The following ANK2 variants were observed in gnomAD, a reference collection of about 807,000 sequenced individuals.
ANK2 encodes ankyrin-2.
Under a neutral mutation model 360.5 loss-of-function variants are expected in ANK2, and 83 were observed. The ratio of observed to expected loss-of-function variants is 0.23; its 90% CI spans 0.19 to 0.28. The LOEUF (loss-of-function observed/expected upper bound fraction) is 0.28, where lower values mean the gene tolerates loss of function less well. Among genes scored for constraint, ANK2 ranks in the 10% least tolerant of loss-of-function variants. ANK2 has a pLI of 1.00. For missense variants in ANK2, 4,201 were observed against 4,795.7 expected, an observed-to-expected ratio of 0.88 and a Z score of 3.66; for synonymous variants, 1,740 against 1,759.5, an observed-to-expected ratio of 0.99 and a Z score of 0.28.
chr4:113,304,099 C>A (rs111561468), intron 23 of ANK2, among the ~76,000 whole-genome samples: 7 of 152,286 alleles, frequency 4.6e-5, no homozygotes, highest in African/African-American at 1.7e-4. Context: ...CCAGCAGTTC[C>A]AAATATTTAG....
the ANK2 span, among the ~76,000 whole-genome samples, chr4:112,730,673 T>G: frequency 0.38 from 51,755 of 137,316 alleles, 10,901 homozygotes; most frequent in Middle Eastern, 0.49. Flanking sequence ...GAAAACAAAA[T>G]TACTAGAAAA....
At chr4:112,970,898 A>T (rs949101062) in intron 2 of ANK2, among the ~76,000 whole-genome samples, 4 of 152,228 alleles carry the variant, frequency 2.6e-5, no homozygotes, top group Non-Finnish European at 4.4e-5. Context: ...TATGTCAATT[A>T]GCTTGATTTA....
intron 1 of ANK2, among the ~76,000 whole-genome samples, chr4:113,141,703 G>T (rs1329127519): frequency 6.6e-6 from 1 of 152,090 alleles, no homozygotes; most frequent in Non-Finnish European, 1.5e-5. Flanking sequence ...CTTCTCCAAG[G>T]TGTTAGTTTC....
chr4:112,977,542 TA>T lies in ANK2; in HGVS notation c.21+73036del, dbSNP rs945029366. Among the ~76,000 whole-genome samples the T allele has an allele frequency of 3.8e-3, 575 of 151,682 alleles. 3 individuals are homozygous for T. Among genetic ancestry groups the T allele is most frequent in the African/African-American group, 0.013 (542 of 41,498 alleles). On this transcript the variant is annotated intron_variant, in intron 2 of 30. Transcript: ENST00000503271. ...ATTTAATAACCATGAATAAATAAAT[TA>T]AAAAAAATTTTATTTATTTTTATTT...
chr4:112,950,585 A>C (rs1192450015), intron 2 of ANK2, among the ~76,000 whole-genome samples: 1 of 151,292 alleles, frequency 6.6e-6, no homozygotes, highest in Non-Finnish European at 1.5e-5. Flanking sequence ...TGGAGGTTGC[A>C]GTGAGCCGAG....
the ANK2 span, among the ~76,000 whole-genome samples, chr4:112,747,573 C>T: frequency 3.3e-5 from 5 of 152,150 alleles, no homozygotes; most frequent in Non-Finnish European, 5.9e-5. Context: ...TATGTGAAAG[C>T]ACTACATTTA....
intron 1 of ANK2, among the ~76,000 whole-genome samples, chr4:112,821,556 T>C (rs2057044904): frequency 6.7e-6 from 1 of 149,976 alleles, no homozygotes; most frequent in Non-Finnish European, 1.5e-5. Context: ...CAGGCTGGAG[T>C]GCAGTGGTGT....
the ANK2 span, among the ~76,000 whole-genome samples, chr4:112,736,998 C>T: frequency 6.6e-6 from 1 of 151,830 alleles, no homozygotes; most frequent in African/African-American, 2.4e-5. Context: ...TCAGAAAGTC[C>T]CTCTAGTGTT....
At chr4:112,831,077 C>T (rs1012953409) in intron 1 of ANK2, among the ~76,000 whole-genome samples, 1 of 152,216 alleles carries the variant, frequency 6.6e-6, no homozygotes. Context: ...GCCCACCATG[C>T]CTGAGCCCCC....
chr4:113,178,566 C>A, intron 2 of ANK2, among the ~76,000 whole-genome samples: 1 of 131,978 alleles, frequency 7.6e-6, no homozygotes, highest in Admixed American at 7.7e-5. Context: ...AGTGAGACTC[C>A]ATCTCAAAAA....
intron 1 of ANK2, among the ~76,000 whole-genome samples, chr4:112,828,787 T>G (rs1264683504): frequency 6.6e-6 from 1 of 152,204 alleles, no homozygotes; most frequent in South Asian, 2.1e-4. Context: ...CAAAAGTCTA[T>G]GTATCCAGCA....
intron 1 of ANK2, among the ~76,000 whole-genome samples, chr4:112,881,269 C>T (rs973323362): frequency 2.0e-5 from 3 of 152,118 alleles, no homozygotes; most frequent in Admixed American, 6.5e-5. Context: ...AAAACCCCGT[C>T]TCTACCAAAA....
intron 1 of ANK2, among the ~76,000 whole-genome samples, chr4:113,111,416 C>T: frequency 6.6e-6 from 1 of 152,092 alleles, no homozygotes; most frequent in African/African-American, 2.4e-5. Context: ...TGGATAAAGG[C>T]ACGACATAAA....
chr4:112,836,880 G>T (rs2061099590), intron 1 of ANK2, among the ~76,000 whole-genome samples: 1 of 152,212 alleles, frequency 6.6e-6, no homozygotes, highest in Non-Finnish European at 1.5e-5. Flanking sequence ...AAGGGAAACA[G>T]AGCATAAAAG....
chr4:113,104,922 T>G (rs1010846065), intron 1 of ANK2, among the ~76,000 whole-genome samples: 1 of 151,976 alleles, frequency 6.6e-6, no homozygotes, highest in Non-Finnish European at 1.5e-5. Context: ...AAGTATCTAG[T>G]TATGGACAGT....
chr4:112,792,883 ATTG>A, the ANK2 span, among the ~76,000 whole-genome samples: 1 of 152,126 alleles, frequency 6.6e-6, no homozygotes, highest in Non-Finnish European at 1.5e-5. Context: ...TATTTCTTTT[ATTG>A]TTGTTTTATT....
At chr4:113,050,082 C>T (rs542101883) in intron 1 of ANK2, among the ~76,000 whole-genome samples, 8 of 152,218 alleles carry the variant, frequency 5.3e-5, no homozygotes, top group African/African-American at 1.7e-4. Context: ...TACTGAGGAC[C>T]GTGGCCACTG....
intron 2 of ANK2, among the ~76,000 whole-genome samples, chr4:112,945,128 C>T (rs1358092699): frequency 6.6e-6 from 1 of 152,218 alleles, no homozygotes; most frequent in Non-Finnish European, 1.5e-5. Context: ...TCCACATTGT[C>T]CTCATTTGAG....
the ANK2 span, among the ~76,000 whole-genome samples, chr4:112,752,354 G>A: frequency 1.3e-5 from 2 of 151,978 alleles, no homozygotes; most frequent in African/African-American, 4.8e-5. Context: ...GGCATTAAAT[G>A]TTAAGCAGCA....
Sources: allele counts gnomAD v4.1 joint callset (sites outside exome capture counted in the v4.1 genomes callset), GRCh38; gene constraint gnomAD v4.1.1; transcripts MANE v1.5; gene names NCBI Gene and HGNC (gene_info 2026-07-23, HGNC 2026-07-21).